Variants in SGCZ observed in about 807,000 individuals in gnomAD.
SGCZ encodes sarcoglycan zeta.
A neutral mutation model predicts 41.3 loss-of-function variants in SGCZ; 40 were observed. The ratio of observed to expected loss-of-function variants is 0.97; its 90% CI spans 0.75 to 1.26. The LOEUF (loss-of-function observed/expected upper bound fraction) is 1.26, where lower values mean the gene tolerates loss of function less well. Ranked by LOEUF, SGCZ falls within the 50% of genes most tolerant of loss-of-function variation. The probability of loss-of-function intolerance (pLI) is 0.00; values close to 1 mark genes in which losing one functional copy is unlikely to be tolerated. For synonymous variants in SGCZ, 206 were observed against 137.5 expected (o/e 1.50, Z -3.49); for missense variants, 552 against 369.8 (o/e 1.49, Z -4.04).
intron 5 of SGCZ, among the ~76,000 whole-genome samples, chr8:14,138,598 C>T (rs1299655238): frequency 2.0e-5 from 3 of 151,514 alleles, no homozygotes; most frequent in African/African-American, 7.3e-5. Flanking sequence ...CAAAGAAGGG[C>T]ATTACATAAT....
rs74303169 is a variant in SGCZ, at chr8:14,676,287, G to C, written c.40-121361C>G. 5.9e-4 allele frequency among the ~76,000 whole-genome samples: 89 copies of C among 152,112 alleles called. 2 individuals are homozygous for C. In the East Asian group the frequency reaches 0.016, roughly 28 times the overall value. On this transcript the variant is annotated intron_variant, in intron 1 of 7. Transcript: ENST00000382080. ...AATGCAGAAAGATCTCTTAAGGCCAGGAGTTTGAGACCAGCCTGAACAGCA... is the reference window on the plus strand; with the variant it reads ...AATGCAGAAAGATCTCTTAAGGCCACGAGTTTGAGACCAGCCTGAACAGCA...
chr8:15,099,645 C>G (rs1014740358), intron 1 of SGCZ, among the ~76,000 whole-genome samples: 2 of 152,056 alleles, frequency 1.3e-5, no homozygotes, highest in Non-Finnish European at 2.9e-5. Flanking sequence ...AATACTAAAA[C>G]CTGGAAAGAC....
At chr8:15,198,579 G>T (rs941852608) in intron 1 of SGCZ, among the ~76,000 whole-genome samples, 1 of 152,032 alleles carries the variant, frequency 6.6e-6, no homozygotes, top group Non-Finnish European at 1.5e-5. Context: ...TCAAATTAAC[G>T]CATAATATCA....
intron 1 of SGCZ, among the ~76,000 whole-genome samples, chr8:14,590,996 C>T (rs1010150661): frequency 2.0e-5 from 3 of 150,404 alleles, no homozygotes; most frequent in Non-Finnish European, 3.0e-5. Context: ...TAACACTTTT[C>T]ACAAATATTA....
At chr8:14,339,122 T>C (rs557392650) in intron 2 of SGCZ, among the ~76,000 whole-genome samples, 1 of 152,264 alleles carries the variant, frequency 6.6e-6, no homozygotes, top group South Asian at 2.1e-4. Flanking sequence ...GAGTGTTCTA[T>C]TAAAGAAAAA....
intron 1 of SGCZ, among the ~76,000 whole-genome samples, chr8:15,076,009 C>T (rs73665379): frequency 0.053 from 8,051 of 151,734 alleles, 243 homozygotes; most frequent in Non-Finnish European, 0.071. Context: ...GATAAAATGT[C>T]GAGACATAAC....
chr8:15,134,831 A>G (rs1808048435), intron 1 of SGCZ, among the ~76,000 whole-genome samples: 1 of 152,214 alleles, frequency 6.6e-6, no homozygotes, highest in Non-Finnish European at 1.5e-5. Context: ...TTAATATATG[A>G]GTATGCTTTT....
chr8:14,370,910 C>G (rs1328691141), intron 2 of SGCZ, among the ~76,000 whole-genome samples: 3 of 151,932 alleles, frequency 2.0e-5, no homozygotes, highest in Non-Finnish European at 4.4e-5. Flanking sequence ...GGAAGCCCCA[C>G]AGAATGTGGA....
chr8:14,464,960 T>C (rs1801008117), intron 2 of SGCZ, among the ~76,000 whole-genome samples: 1 of 151,832 alleles, frequency 6.6e-6, no homozygotes, highest in African/African-American at 2.4e-5. Context: ...ATGGTATCTA[T>C]ATTTTAAAAT....
Position 14,863,244 on chromosome 8 carries a change from A to C in SGCZ, c.40-308318T>G, listed in dbSNP as rs1287454884. ...AGCCTTGCAGCTCTGCCCTGAGGAT[A>C]TGAGCCTCATCTGCAAGCATTTATG... On this transcript the variant is annotated intron_variant, in intron 1 of 7. Coordinates refer to ENST00000382080, the MANE Select transcript of SGCZ (RefSeq NM_139167.4). Among the ~76,000 whole-genome samples, 6 of 152,164 alleles carry C rather than the reference A, an allele frequency of 3.9e-5. No individual in the cohort carries two copies. In the East Asian group the frequency reaches 1.2e-3, roughly 29 times the overall value.
At chr8:14,209,158 G>A (rs1805713981) in intron 4 of SGCZ, among the ~76,000 whole-genome samples, 1 of 152,226 alleles carries the variant, frequency 6.6e-6, no homozygotes, top group Admixed American at 6.5e-5. Context: ...TTAGTGCGGG[G>A]TGGACAGCCT....
At chr8:14,603,129 G>T (rs2117318013) in intron 1 of SGCZ, among the ~76,000 whole-genome samples, 1 of 152,234 alleles carries the variant, frequency 6.6e-6, no homozygotes, top group South Asian at 2.1e-4. Context: ...GCATTCTCAG[G>T]CTATGAGATA....
At chr8:14,820,097 G>C (rs369332195) in intron 1 of SGCZ, among the ~76,000 whole-genome samples, 5 of 150,824 alleles carry the variant, frequency 3.3e-5, no homozygotes, top group African/African-American at 1.2e-4. Context: ...AGAAAAAATG[G>C]AGAAAAAATT....
At chr8:15,053,065 A>C (rs1804574130) in intron 1 of SGCZ, among the ~76,000 whole-genome samples, 1 of 152,020 alleles carries the variant, frequency 6.6e-6, no homozygotes, top group Non-Finnish European at 1.5e-5. Flanking sequence ...CTATACTCTA[A>C]CCCAAGCTCA....
chr8:14,100,443 C>T (rs1012423340), intron 7 of SGCZ, among the ~76,000 whole-genome samples: 3 of 150,186 alleles, frequency 2.0e-5, no homozygotes, highest in African/African-American at 7.3e-5. Flanking sequence ...TTAAGAAAGA[C>T]TTCCGTCCTA....
At position 14,265,006 on chromosome 8, in the gene SGCZ, C is replaced by A. The variant is rs897239824; in HGVS notation, c.337-27327G>T. Among the ~76,000 whole-genome samples, 4 of 151,998 alleles carry A rather than the reference C, an allele frequency of 2.6e-5. No individual in the cohort carries two copies. In the South Asian group the frequency reaches 8.3e-4, roughly 32 times the overall value. On this transcript the variant is annotated intron_variant, in intron 3 of 7. Transcript: ENST00000382080. ...AAAAACACAAAAAAACAAAAAAACA[C>A]GCCAGATGGCAAACACTAAATTCCT...
chr8:14,296,339 T>A (rs1025917130), intron 3 of SGCZ, among the ~76,000 whole-genome samples: 2 of 151,988 alleles, frequency 1.3e-5, no homozygotes, highest in African/African-American at 4.8e-5. Context: ...AAGCTGAGAG[T>A]TGCCAGCATA....
At chr8:14,963,175 G>A (rs1393519571) in intron 1 of SGCZ, among the ~76,000 whole-genome samples, 2 of 152,128 alleles carry the variant, frequency 1.3e-5, no homozygotes, top group Admixed American at 1.3e-4. Flanking sequence ...AATTAAGCAG[G>A]TAACTACATC....
intron 4 of SGCZ, among the ~76,000 whole-genome samples, chr8:14,184,508 GT>G (rs1804840134): frequency 6.6e-6 from 1 of 152,092 alleles, no homozygotes; most frequent in South Asian, 2.1e-4. Flanking sequence ...AAGATATAAA[GT>G]TTCTGTATCA....
Sources: allele counts gnomAD v4.1 joint callset (sites outside exome capture counted in the v4.1 genomes callset), GRCh38; gene constraint gnomAD v4.1.1; transcripts MANE v1.5; gene names NCBI Gene and HGNC (gene_info 2026-07-23, HGNC 2026-07-21).